The following LYRM1 variants were observed in gnomAD, a reference collection of about 807,000 sequenced individuals.
LYRM1 encodes the protein LYR motif containing 1, also known as LYR motif-containing protein 1.
LYRM1 carries 14 observed loss-of-function variants against 14.9 expected under a neutral mutation model. That is an observed-to-expected ratio of 0.94 (90% CI 0.62 to 1.47). The LOEUF (loss-of-function observed/expected upper bound fraction) is 1.47. LYRM1 is among the 40% of genes most tolerant of loss of function. The pLI is 0.00. For synonymous variants in LYRM1, 43 were observed against 56.2 expected, an observed-to-expected ratio of 0.77 and a Z score of 1.05; for missense variants, 153 against 149.9, an observed-to-expected ratio of 1.02 and a Z score of -0.11.
intron 1 of LYRM1, among the ~76,000 whole-genome samples, chr16:20,903,066 C>G (rs2082146002): frequency 6.6e-6 from 1 of 152,202 alleles, no homozygotes; most frequent in Non-Finnish European, 1.5e-5. Flanking sequence ...GGATAAAGCT[C>G]TTCTCTCTGA....
At chr16:20,909,287 C>T (rs933554822) in intron 1 of LYRM1, among the ~76,000 whole-genome samples, 16 of 152,224 alleles carry the variant, frequency 1.1e-4, no homozygotes, top group Non-Finnish European at 2.2e-4. Context: ...AGACCAGCTT[C>T]TAGTCCCATT....
chr16:20,923,872 A>C (rs771848395), intron 3 of LYRM1, 128 bp from the exon 4 acceptor site: 1 of 565,958 alleles, frequency 1.8e-6, no homozygotes, highest in Non-Finnish European at 3.2e-6. Flanking sequence ...AACTTGTGTA[A>C]AGATTAATGA....
chr16:20,914,773 A>G (rs1405980484), intron 1 of LYRM1, among the ~76,000 whole-genome samples: 2 of 152,128 alleles, frequency 1.3e-5, no homozygotes, highest in African/African-American at 4.8e-5. Flanking sequence ...TCAAGGGGGC[A>G]TTTCCTGTCC....
In LYRM1 at chr16:20,924,337, TC is replaced by T. The variant is rs1194806436; in HGVS notation, c.*223del. On this transcript the variant is annotated 3_prime_UTR_variant, in exon 4 of 4. Coordinates refer to ENST00000567954, the MANE Select transcript of LYRM1 (RefSeq NM_001128302.3). ...ATCCCTAGAGGTCATGGACCTTACA[TC>T]CTCACTGCAGTCACCTTTGGAAACA... The T allele has an allele frequency of 2.3e-6, 1 of 434,876 alleles. No individual in the cohort carries two copies. Among genetic ancestry groups the T allele is most frequent in the Non-Finnish European group, 4.1e-6 (1 of 241,744 alleles). 26.9% of individuals were successfully genotyped at this position (434,876 alleles called of 1,614,324 possible). A position where few individuals can be genotyped will look rare whatever the true frequency, so the allele number is the denominator to read the frequency against.
At chr16:20,904,492 CT>C (rs2082218984) in intron 1 of LYRM1, among the ~76,000 whole-genome samples, 1 of 152,142 alleles carries the variant, frequency 6.6e-6, no homozygotes, top group Non-Finnish European at 1.5e-5. Context: ...TCCCTGCCCC[CT>C]ATTGCTGACA....
intron 3 of LYRM1, 61 bp from the exon 4 acceptor site, chr16:20,923,939 G>A: frequency 2.2e-6 from 2 of 913,262 alleles, no homozygotes; most frequent in South Asian, 3.0e-5. Context: ...TAGATCCTCA[G>A]TGAATATGAG....
intron 1 of LYRM1, 63 bp from the exon 2 acceptor site, chr16:20,915,493 G>A: frequency 7.1e-7 from 1 of 1,405,320 alleles, no homozygotes; most frequent in Non-Finnish European, 9.9e-7. Flanking sequence ...CATCTGCCTG[G>A]TGCCTCCTGT....
rs564731175 is a variant in LYRM1, at chr16:20,920,969, GAAAC to G, written c.252+759_252+762del. On this transcript the variant is annotated intron_variant, in intron 3 of 3. Coordinates refer to ENST00000567954, the MANE Select transcript of LYRM1 (RefSeq NM_001128302.3). ...AAACTTAATACATTCAGAAAGTTAA[GAAAC>G]AAAATAAATTTCAAATTTATATGAA... 3.4e-4 allele frequency among the ~76,000 whole-genome samples: 51 copies of G among 150,084 alleles called. No homozygotes were observed. In the East Asian group the frequency reaches 9.1e-3, roughly 27 times the overall value.
At chr16:20,921,624 TC>T (rs1231598384) in intron 3 of LYRM1, 3 of 150,068 alleles carry the variant, frequency 2.0e-5, no homozygotes, top group Non-Finnish European at 4.4e-5. Context: ...GGTCTTGAAC[TC>T]CTGAGCTTAG....
At chr16:20,918,916 C>G (rs1223794645) in intron 2 of LYRM1, among the ~76,000 whole-genome samples, 1 of 151,808 alleles carries the variant, frequency 6.6e-6, no homozygotes, top group African/African-American at 2.4e-5. Flanking sequence ...GAACTCTTCT[C>G]TGCTCCAAGA....
chr16:20,903,433 C>T (rs2082164003), intron 1 of LYRM1, among the ~76,000 whole-genome samples: 1 of 152,206 alleles, frequency 6.6e-6, no homozygotes, highest in Non-Finnish European at 1.5e-5. Context: ...CTGTGCTATC[C>T]CTGTGTAGCC....
At position 20,924,410 on chromosome 16, in the gene LYRM1, A is replaced by G. The variant is rs915965748; in HGVS notation, c.*294A>G. The G allele has an allele frequency of 8.8e-6, 2 of 226,954 alleles. No homozygotes were observed. Among genetic ancestry groups the G allele is most frequent in the Admixed American group, 5.2e-5 (1 of 19,188 alleles). 14.1% of individuals were successfully genotyped at this position (226,954 alleles called of 1,614,324 possible). A position where few individuals can be genotyped will look rare whatever the true frequency, so the allele number is the denominator to read the frequency against. On this transcript the variant is annotated 3_prime_UTR_variant, in exon 4 of 4. Coordinates refer to ENST00000567954, the MANE Select transcript of LYRM1 (RefSeq NM_001128302.3). ...AAGCGGAAGGATGTAAGAGCTGTTC[A>G]TGGGAATTCCATTCACCACACATGC...
chr16:20,907,273 C>T (rs960768062), intron 1 of LYRM1, among the ~76,000 whole-genome samples: 4 of 152,200 alleles, frequency 2.6e-5, no homozygotes, highest in Admixed American at 1.3e-4. Flanking sequence ...AAACAAAGTG[C>T]CTTTCCAAGG....
intron 2 of LYRM1, 69 bp downstream of exon 2, chr16:20,915,783 C>T (rs8062877): frequency 0.021 from 31,655 of 1,528,524 alleles, 1,132 homozygotes; most frequent in African/African-American, 0.14. Context: ...TATTTCTTTT[C>T]GGTCTTTAAT....
chr16:20,908,973 T>A (rs1416132794), intron 1 of LYRM1, among the ~76,000 whole-genome samples: 1 of 152,244 alleles, frequency 6.6e-6, no homozygotes, highest in Admixed American at 6.5e-5. Flanking sequence ...TTCTAATTCA[T>A]TTCTTTAAAG....
Position 20,924,141 on chromosome 16 carries a change from A to G in LYRM1, c.*25A>G. ...ATCTAGAGGAAAGTTTATTTCTGCA[A>G]ATGATGAGCCAACTAGTTATTGAAT... On this transcript the variant is annotated 3_prime_UTR_variant, in exon 4 of 4. Transcript: ENST00000567954. 1 of 1,293,330 alleles carries G rather than the reference A, an allele frequency of 7.7e-7. No homozygotes were observed. 80.1% of individuals were successfully genotyped at this position (1,293,330 alleles called of 1,614,324 possible). A position where few individuals can be genotyped will look rare whatever the true frequency, so the allele number is the denominator to read the frequency against.
At chr16:20,904,494 A>G (rs745523137) in intron 1 of LYRM1, among the ~76,000 whole-genome samples, 4 of 152,034 alleles carry the variant, frequency 2.6e-5, no homozygotes, top group Non-Finnish European at 4.4e-5. Context: ...CCTGCCCCCT[A>G]TTGCTGACAG....
At chr16:20,903,319 T>G (rs1278029754) in intron 1 of LYRM1, among the ~76,000 whole-genome samples, 2 of 152,338 alleles carry the variant, frequency 1.3e-5, no homozygotes, top group East Asian at 3.9e-4. Flanking sequence ...AAGAGCTGTC[T>G]CCCGTCTATG....
chr16:20,923,965 T>C (rs2152560724), intron 3 of LYRM1, 35 bp from the exon 4 acceptor site: 4 of 1,160,182 alleles, frequency 3.4e-6, no homozygotes, highest in Non-Finnish European at 5.1e-6. Context: ...GCAATGATGA[T>C]GAATATGATT....
Sources: gnomAD v4.1 joint callset for allele counts (sites outside exome capture counted in the v4.1 genomes callset) on GRCh38, gnomAD v4.1.1 for gene constraint, MANE v1.5 for transcripts, NCBI Gene and HGNC (gene_info 2026-07-23, HGNC 2026-07-21) for gene names.